The following PRR5 variants were observed in gnomAD, a reference collection of about 807,000 sequenced individuals.
PRR5 encodes the protein proline-rich protein 5.
A neutral mutation model predicts 30.6 loss-of-function variants in PRR5; 25 were observed. The observed-to-expected ratio is 0.82, with a 90% CI of 0.60 to 1.14. PRR5 has a LOEUF of 1.14. Among genes scored for constraint, PRR5 ranks in the 50% most tolerant of loss-of-function variants. The probability of loss-of-function intolerance (pLI) is 0.00; values close to 1 mark genes in which losing one functional copy is unlikely to be tolerated. For missense variants in PRR5, 600 were observed against 547.1 expected (o/e 1.10, Z -0.96); for synonymous variants, 286 against 247.1 (o/e 1.16, Z -1.48).
At chr22:44,725,980 A>T (rs1371488365) in intron 3 of PRR5, among the ~76,000 whole-genome samples, 1 of 152,202 alleles carries the variant, frequency 6.6e-6, no homozygotes, top group African/African-American at 2.4e-5. Flanking sequence ...TGTACATTTC[A>T]TATTGGTGGC....
chr22:44,721,444 C>G (rs1329975366), intron 2 of PRR5, among the ~76,000 whole-genome samples: 2 of 152,098 alleles, frequency 1.3e-5, no homozygotes, highest in African/African-American at 2.4e-5. Flanking sequence ...GGAAAGTGAC[C>G]CATCAGAAGC....
chr22:44,700,881 T>G (rs910566118), upstream of PRR5, among the ~76,000 whole-genome samples: 1 of 152,148 alleles, frequency 6.6e-6, no homozygotes, highest in Non-Finnish European at 1.5e-5. Flanking sequence ...TTTATTTTAT[T>G]ATGATGATGA....
intron 4 of PRR5, 98 bp from the exon 5 acceptor site, chr22:44,731,632 G>GC (rs1569109066): frequency 2.4e-6 from 3 of 1,238,882 alleles, no homozygotes; most frequent in African/African-American, 1.5e-5. Flanking sequence ...CTGAGCCCAG[G>GC]CCCTCCACTC....
At chr22:44,716,715 T>G (rs1395818087) in intron 2 of PRR5, among the ~76,000 whole-genome samples, 1 of 152,152 alleles carries the variant, frequency 6.6e-6, no homozygotes, top group East Asian at 1.9e-4. Flanking sequence ...GCCACTGGGT[T>G]GTTCAGCTTC....
At chr22:44,729,085 T>C (rs1311358744) in intron 4 of PRR5, among the ~76,000 whole-genome samples, 2 of 152,178 alleles carry the variant, frequency 1.3e-5, no homozygotes, top group Non-Finnish European at 2.9e-5. Flanking sequence ...GGTCCTCTGC[T>C]GGGCCCTGGG....
intron 1 of PRR5, among the ~76,000 whole-genome samples, chr22:44,712,531 C>A (rs1288638356): frequency 6.6e-6 from 1 of 152,222 alleles, no homozygotes; most frequent in East Asian, 1.9e-4. Flanking sequence ...CAGGGGAGTT[C>A]AGGTGCACAG....
chr22:44,735,422 C>A (rs185934542), intron 7 of PRR5, among the ~76,000 whole-genome samples: 1 of 152,214 alleles, frequency 6.6e-6, no homozygotes, highest in Non-Finnish European at 1.5e-5. Context: ...AGGCCACATT[C>A]ATGTGCAGTC....
Position 44,691,740 on chromosome 22 carries a change from T to C in PRR5, c.-10-10752T>C, listed in dbSNP as rs1185169156. On this transcript the variant is annotated intron_variant, in intron 1 of 8. Transcript: ENST00000006251. The surrounding 1 kb of genome is among the most constrained non-coding windows in gnomAD (Gnocchi z 4.4). ...AGTGAGCCGAGATTGCACCACTGCA[T>C]TCCAGCCTGCGCGACGGGAGCAAGA... is the stretch of plus-strand genomic sequence containing the variant. Among the ~76,000 whole-genome samples, 2 of 151,978 alleles carry C rather than the reference T, an allele frequency of 1.3e-5. No individual in the cohort carries two copies. Among genetic ancestry groups the C allele is most frequent in the African/African-American group, 4.8e-5 (2 of 41,372 alleles).
At chr22:44,679,686 A>G in intron 1 of PRR5, 5 of 1,000,534 alleles carry the variant, frequency 5.0e-6, no homozygotes, top group Non-Finnish European at 7.3e-6. Context: ...AGCCTGGGCA[A>G]CAAGAGCGAA....
chr22:44,704,004 C>T (rs184784927), intron 1 of PRR5, among the ~76,000 whole-genome samples: 1 of 152,350 alleles, frequency 6.6e-6, no homozygotes, highest in Admixed American at 6.5e-5. Flanking sequence ...CCCAACTCTG[C>T]CTCTTCCCTA....
chr22:44,734,841 A>G, intron 6 of PRR5, 186 bp from the exon 7 acceptor site: 1 of 748,950 alleles, frequency 1.3e-6, no homozygotes, highest in Non-Finnish European at 2.1e-6. Context: ...AGAGTGACTC[A>G]GGCCACATGC....
chr22:44,676,098 A>G (rs1049763377), upstream of PRR5, among the ~76,000 whole-genome samples: 2 of 152,054 alleles, frequency 1.3e-5, no homozygotes, highest in African/African-American at 4.8e-5. Context: ...AAAACAAAAA[A>G]GAAGGCTGGG....
rs111440447 is a variant in PRR5 at position 44,731,108 on chromosome 22, C to T, written c.323-622C>T. 214 of 294,732 alleles carry T rather than the reference C, an allele frequency of 7.3e-4. 1 individual carries two copies. Among genetic ancestry groups the T allele is most frequent in the African/African-American group, 4.4e-3 (198 of 45,048 alleles). 18.3% of individuals were successfully genotyped at this position (294,732 alleles called of 1,614,324 possible). A position where few individuals can be genotyped will look rare whatever the true frequency, so the allele number is the denominator to read the frequency against. On this transcript the variant is annotated intron_variant, in intron 4 of 7. Coordinates refer to ENST00000336985, the MANE Select transcript of PRR5 (RefSeq NM_181333.4). ...TGCTTAGCCGGGTTGTTAGGAGGAT[C>T]TGATGAGACTAGGATGTGAGTTGAA...
At chr22:44,733,172 C>G (rs1333965772) in intron 6 of PRR5, among the ~76,000 whole-genome samples, 1 of 152,244 alleles carries the variant, frequency 6.6e-6, no homozygotes, top group Non-Finnish European at 1.5e-5. Context: ...GGGAGAGGTG[C>G]CTGCCCCAGA....
At chr22:44,677,470 G>A (rs1923867142) in intron 1 of PRR5, among the ~76,000 whole-genome samples, 1 of 152,218 alleles carries the variant, frequency 6.6e-6, no homozygotes, top group Non-Finnish European at 1.5e-5. Flanking sequence ...TGTGACTTTG[G>A]GTTTGTGCTT....
chr22:44,700,864 TTTTTA>T (rs978784592), upstream of PRR5, among the ~76,000 whole-genome samples: 7 of 152,166 alleles, frequency 4.6e-5, no homozygotes, highest in African/African-American at 7.2e-5. Context: ...GCTCTCTTAC[TTTTTA>T]TTTTATTTTA....
intron 1 of PRR5, among the ~76,000 whole-genome samples, chr22:44,712,386 C>T (rs1928384350): frequency 6.6e-6 from 1 of 152,228 alleles, no homozygotes; most frequent in African/African-American, 2.4e-5. Flanking sequence ...CCATGCTGCT[C>T]AGAGCCTCCT....
At position 44,731,782 on chromosome 22, in the gene PRR5, C is replaced by T. The variant is rs199883341; in HGVS notation, c.375C>T (p.Asp125=). 4.6e-4 allele frequency: 738 copies of T among 1,613,722 alleles called. 5 individuals are homozygous for T. The South Asian group carries it at 5.1e-3, about 11-fold the overall frequency. Reference sequence around the variant, plus strand: ...AGACCTGGGACTTCTTCTTCAGTGACGTGCTGCCCATGCTGCAGGCCATCT... The same window carrying T: ...AGACCTGGGACTTCTTCTTCAGTGATGTGCTGCCCATGCTGCAGGCCATCT... The part of the protein sequence containing the change: ...LAETWDFFFS[D]VLPMLQAIFY... The change falls in exon 5 of 8, where the codon GAC becomes GAT. Residue 125 remains aspartate (D), a synonymous_variant. Coordinates refer to ENST00000336985, the MANE Select transcript of PRR5 (RefSeq NM_181333.4).
intron 6 of PRR5, among the ~76,000 whole-genome samples, chr22:44,732,666 C>A (rs1252725437): frequency 6.6e-6 from 1 of 152,162 alleles, no homozygotes; most frequent in South Asian, 2.1e-4. Flanking sequence ...ACCCCCAGCA[C>A]GCACACGCAC....
Sources: gnomAD v4.1 joint callset for allele counts (sites outside exome capture counted in the v4.1 genomes callset) on GRCh38, gnomAD v4.1.1 for gene constraint, Gnocchi (gnomAD v3.1) non-coding constraint, MANE v1.5 for transcripts, NCBI Gene and HGNC (gene_info 2026-07-23, HGNC 2026-07-21) for gene names.